The following SLCO3A1 variants were observed in gnomAD, a reference collection of about 807,000 sequenced individuals.
SLCO3A1 encodes the protein PGE1 transporter.
A neutral mutation model predicts 63.1 loss-of-function variants in SLCO3A1; 27 were observed. The ratio of observed to expected loss-of-function variants is 0.43; its 90% CI spans 0.32 to 0.59. The LOEUF is 0.59. Ranked by LOEUF, SLCO3A1 falls within the 20% of genes least tolerant of loss-of-function variation. The pLI, the probability that SLCO3A1 is intolerant of heterozygous loss-of-function variation, is 0.09. For synonymous variants in SLCO3A1, 473 were observed against 409.9 expected, an observed-to-expected ratio of 1.15 and a Z score of -1.86; for missense variants, 773 against 945.8, an observed-to-expected ratio of 0.82 and a Z score of 2.40.
intron 2 of SLCO3A1, among the ~76,000 whole-genome samples, chr15:92,079,990 C>G (rs1308309438): frequency 6.6e-6 from 1 of 152,268 alleles, no homozygotes; most frequent in Non-Finnish European, 1.5e-5. Context: ...TGTTGTTTCT[C>G]TGGATGGATT....
Position 91,954,391 on chromosome 15 carries a change from C to T in SLCO3A1, c.646+37933C>T, listed in dbSNP as rs539556160. Among the ~76,000 whole-genome samples the T allele has an allele frequency of 9.2e-5, 14 of 152,292 alleles. No individual in the cohort carries two copies. The South Asian group carries it at 2.5e-3, about 27-fold the overall frequency. On this transcript the variant is annotated intron_variant, in intron 2 of 9. Transcript: ENST00000318445. This position sits in a 1 kb window ranked among gnomAD's most constrained non-coding sequence, Gnocchi z 4.7. ...TGAGCCTCAGCCAGGCGGAGACGGG[C>T]GGGTACTGCACAGAGTGAGGCAGTC...
At chr15:91,904,533 A>G (rs1898246542) in intron 1 of SLCO3A1, among the ~76,000 whole-genome samples, 1 of 152,204 alleles carries the variant, frequency 6.6e-6, no homozygotes, top group South Asian at 2.1e-4. Flanking sequence ...TGGTCCTGTG[A>G]TCAGTCACTC....
At chr15:91,981,370 G>A (rs973581546) in intron 2 of SLCO3A1, among the ~76,000 whole-genome samples, 8 of 152,246 alleles carry the variant, frequency 5.3e-5, no homozygotes, top group Non-Finnish European at 7.4e-5. Flanking sequence ...GAGGCCCCTC[G>A]GAATCCGCGC....
chr15:92,011,683 C>T (rs768717597), intron 2 of SLCO3A1, among the ~76,000 whole-genome samples: 3 of 152,226 alleles, frequency 2.0e-5, no homozygotes, highest in Non-Finnish European at 4.4e-5. Flanking sequence ...TTTACTGACT[C>T]ACCTTCTCAA....
chr15:92,067,268 G>T (rs2047163072), intron 2 of SLCO3A1, among the ~76,000 whole-genome samples: 1 of 152,192 alleles, frequency 6.6e-6, no homozygotes, highest in African/African-American at 2.4e-5. Flanking sequence ...AAGGGAGATG[G>T]ATTCCTAGTG....
chr15:92,053,651 T>C (rs2046984913), intron 2 of SLCO3A1, among the ~76,000 whole-genome samples: 1 of 151,002 alleles, frequency 6.6e-6, no homozygotes, highest in Non-Finnish European at 1.5e-5. Context: ...TTGTAGAAGC[T>C]CCCTCAGTTG....
chr15:91,857,938 T>C (rs1267529019), intron 1 of SLCO3A1, among the ~76,000 whole-genome samples: 3 of 152,140 alleles, frequency 2.0e-5, no homozygotes, highest in Non-Finnish European at 4.4e-5. Flanking sequence ...TTTCCCTATT[T>C]AGAGTTATAG....
At chr15:92,155,258 A>G (rs1365821386) in intron 9 of SLCO3A1, 1 of 152,260 alleles carries the variant, frequency 6.6e-6, no homozygotes, top group Non-Finnish European at 1.5e-5. Context: ...TTGGTCTAGA[A>G]TCTTGTTCCT....
rs115175062 is a variant in SLCO3A1 at position 92,000,313 on chromosome 15, A to G, written c.646+83855A>G. The stretch of plus-strand genomic sequence containing the variant: ...AGACATCTAGAAGTTCCAGAGAACA[A>G]TATCCTCTGGGAAGGGAAGTGGGGG... On this transcript the variant is annotated intron_variant, in intron 2 of 9. Coordinates refer to ENST00000318445, the MANE Select transcript of SLCO3A1 (RefSeq NM_013272.4). Among the ~76,000 whole-genome samples, 850 of 152,248 alleles carry G rather than the reference A, an allele frequency of 5.6e-3. 18 individuals carry two copies. The highest frequency in any genetic ancestry group is 0.02 in the African/African-American group (813 of 41,540).
At chr15:92,024,399 G>C (rs1343613321) in intron 2 of SLCO3A1, among the ~76,000 whole-genome samples, 1 of 152,236 alleles carries the variant, frequency 6.6e-6, no homozygotes, top group Non-Finnish European at 1.5e-5. Context: ...CCAGTGGGAA[G>C]TGTATGGACA....
intron 7 of SLCO3A1, among the ~76,000 whole-genome samples, chr15:92,146,084 C>T (rs2048218476): frequency 6.6e-6 from 1 of 152,150 alleles, no homozygotes; most frequent in Non-Finnish European, 1.5e-5. Flanking sequence ...CCAAGCAGTC[C>T]TGGAAGGAAA....
chr15:92,137,645 C>G (rs1246719899), intron 7 of SLCO3A1, among the ~76,000 whole-genome samples: 1 of 108,846 alleles, frequency 9.2e-6, no homozygotes, highest in Non-Finnish European at 1.8e-5. Context: ...GTTGTGTCCT[C>G]ACTTTTTAAT....
Position 92,019,758 on chromosome 15 carries a change from C to T in SLCO3A1, c.647-75123C>T, listed in dbSNP as rs770814380. 7.9e-5 allele frequency among the ~76,000 whole-genome samples: 12 copies of T among 152,262 alleles called. No homozygotes were observed. In the South Asian group the frequency reaches 1.5e-3, roughly 18 times the overall value. ...CCTTTTCCCGAGGATGAACTCCAGCCGGTGTGTGTGTTAGATATGTACAGA... is the reference window on the plus strand; with the variant it reads ...CCTTTTCCCGAGGATGAACTCCAGCTGGTGTGTGTGTTAGATATGTACAGA... On this transcript the variant is annotated intron_variant, in intron 2 of 9. Coordinates refer to ENST00000318445, the MANE Select transcript of SLCO3A1 (RefSeq NM_013272.4).
At chr15:91,874,619 G>A (rs992368134) in intron 1 of SLCO3A1, among the ~76,000 whole-genome samples, 5 of 152,146 alleles carry the variant, frequency 3.3e-5, no homozygotes, top group African/African-American at 4.8e-5. Flanking sequence ...TATAGACCAC[G>A]TTTTGCTTAT....
chr15:92,030,099 A>C (rs2046628268), intron 2 of SLCO3A1, among the ~76,000 whole-genome samples: 1 of 152,208 alleles, frequency 6.6e-6, no homozygotes, highest in South Asian at 2.1e-4. Context: ...CCACGTTCCT[A>C]CCATAGCATA....
chr15:92,043,841 G>A (rs575590085), intron 2 of SLCO3A1, among the ~76,000 whole-genome samples: 89 of 152,230 alleles, frequency 5.8e-4, no homozygotes, highest in African/African-American at 2.0e-3. Context: ...TGTAGAGATC[G>A]GTCCAGGGGA....
At chr15:91,935,364 TCTC>T (rs1270332024) in intron 2 of SLCO3A1, among the ~76,000 whole-genome samples, 3 of 152,152 alleles carry the variant, frequency 2.0e-5, no homozygotes, top group Non-Finnish European at 4.4e-5. Flanking sequence ...GTGGTGTAAT[TCTC>T]CTCCATTGAG....
intron 2 of SLCO3A1, among the ~76,000 whole-genome samples, chr15:91,939,593 A>G (rs8027634): frequency 0.75 from 114,183 of 151,964 alleles, 43,233 homozygotes; most frequent in East Asian, 0.98. Flanking sequence ...TGCCAGCTCC[A>G]GCACCTCCTA....
chr15:92,164,479 A>T lies in SLCO3A1; in HGVS notation c.*1344A>T, dbSNP rs2048476511. ...GGAAACCCTTTTATATTCATGCTTGACATTCCAAGAGGCGTTCTTTTCAGC... is the reference window on the plus strand; with the variant it reads ...GGAAACCCTTTTATATTCATGCTTGTCATTCCAAGAGGCGTTCTTTTCAGC... On this transcript the variant is annotated 3_prime_UTR_variant, in exon 10 of 10. Coordinates refer to ENST00000318445, the MANE Select transcript of SLCO3A1 (RefSeq NM_013272.4). The T allele has an allele frequency of 2.0e-6, 2 of 985,296 alleles. No individual in the cohort carries two copies. Among genetic ancestry groups the T allele is most frequent in the Non-Finnish European group, 2.4e-6 (2 of 829,936 alleles). 61.0% of individuals were successfully genotyped at this position (985,296 alleles called of 1,614,324 possible).
Sources: gnomAD v4.1 joint callset for allele counts (sites outside exome capture counted in the v4.1 genomes callset) on GRCh38, gnomAD v4.1.1 for gene constraint, Gnocchi (gnomAD v3.1) non-coding constraint, MANE v1.5 for transcripts, NCBI Gene and HGNC (gene_info 2026-07-23, HGNC 2026-07-21) for gene names.